The following TUSC3 variants were observed in gnomAD, a reference collection of about 807,000 sequenced individuals.
The protein encoded by TUSC3 is tumor suppressor candidate 3.
TUSC3 carries 45 observed loss-of-function variants against 44.8 expected under a neutral mutation model. The ratio of observed to expected loss-of-function variants is 1.00; its 90% confidence interval spans 0.79 to 1.29. TUSC3 has a LOEUF of 1.29. Ranked by LOEUF, TUSC3 falls within the 50% of genes most tolerant of loss-of-function variation. The pLI is 0.00. For missense variants in TUSC3, 519 were observed against 437.9 expected (o/e 1.19, Z -1.65); for synonymous variants, 212 against 152.9 (o/e 1.39, Z -2.85).
the TUSC3 span, among the ~76,000 whole-genome samples, chr8:15,851,991 C>G: frequency 3.3e-5 from 5 of 152,080 alleles, no homozygotes; most frequent in East Asian, 3.9e-4. Flanking sequence ...TCTCTTGTCT[C>G]CCGCCATGTG....
chr8:15,750,625 A>C (rs1415044954), intron 9 of TUSC3, among the ~76,000 whole-genome samples: 1 of 152,044 alleles, frequency 6.6e-6, no homozygotes. Flanking sequence ...CTGGACATAG[A>C]AACTACCCAG....
chr8:15,659,014 A>G (rs144661373), intron 3 of TUSC3, among the ~76,000 whole-genome samples: 1 of 152,308 alleles, frequency 6.6e-6, no homozygotes, highest in East Asian at 1.9e-4. Flanking sequence ...TCATTACAAA[A>G]AAGTAAAGTC....
At chr8:15,581,397 C>T (rs1205591928) in intron 1 of TUSC3, among the ~76,000 whole-genome samples, 1 of 149,708 alleles carries the variant, frequency 6.7e-6, no homozygotes, top group Admixed American at 6.6e-5. Context: ...AGGCGCTCTG[C>T]ATTTTAGAGT....
chr8:15,525,299 G>C (rs1281950851), intron 2 of TUSC3, among the ~76,000 whole-genome samples: 11 of 151,978 alleles, frequency 7.2e-5, no homozygotes. Flanking sequence ...TTTCTGGTTT[G>C]CTGGCTCTCT....
At chr8:15,788,525 T>A in the TUSC3 span, among the ~76,000 whole-genome samples, 6 of 137,520 alleles carry the variant, frequency 4.4e-5, no homozygotes, top group East Asian at 8.2e-4. Context: ...CCAGCCTGGG[T>A]GACAGAGTGA....
chr8:15,728,391 T>A (rs1810585930), intron 6 of TUSC3, among the ~76,000 whole-genome samples: 1 of 150,020 alleles, frequency 6.7e-6, no homozygotes, highest in Non-Finnish European at 1.5e-5. Context: ...GAAAAGTGGT[T>A]GAATTTGGAA....
chr8:15,728,534 A>G (rs1239659639), intron 6 of TUSC3, among the ~76,000 whole-genome samples: 3 of 152,146 alleles, frequency 2.0e-5, no homozygotes, highest in Non-Finnish European at 4.4e-5. Flanking sequence ...GGACAGAGAC[A>G]CAAAGGTGAT....
chr8:15,629,657 A>C (rs191775838), intron 2 of TUSC3, among the ~76,000 whole-genome samples: 1 of 141,808 alleles, frequency 7.1e-6, no homozygotes, highest in African/African-American at 2.6e-5. Context: ...ATAATTGTTT[A>C]GGATCTTTGA....
chr8:15,825,550 G>C, the TUSC3 span, among the ~76,000 whole-genome samples: 1 of 152,024 alleles, frequency 6.6e-6, no homozygotes, highest in African/African-American at 2.4e-5. Flanking sequence ...ATGAGATTTG[G>C]GTGAGGAACA....
At chr8:15,706,816 T>C (rs1809635611) in intron 6 of TUSC3, among the ~76,000 whole-genome samples, 1 of 152,008 alleles carries the variant, frequency 6.6e-6, no homozygotes, top group African/African-American at 2.4e-5. Flanking sequence ...AATAAAGTAC[T>C]TGTAGAGAAG....
chr8:15,571,359 C>T (rs1299331646), intron 1 of TUSC3, among the ~76,000 whole-genome samples: 1 of 152,078 alleles, frequency 6.6e-6, no homozygotes, highest in Non-Finnish European at 1.5e-5. Flanking sequence ...GCAAATATTA[C>T]AATAAAGAGT....
intron 2 of TUSC3, among the ~76,000 whole-genome samples, chr8:15,628,228 C>G (rs1478166724): frequency 6.6e-6 from 1 of 151,982 alleles, no homozygotes; most frequent in Non-Finnish European, 1.5e-5. Flanking sequence ...TTATAACAAT[C>G]TAGAAATATT....
chr8:15,737,188 T>C (rs1810972796), intron 7 of TUSC3, among the ~76,000 whole-genome samples: 2 of 152,090 alleles, frequency 1.3e-5, no homozygotes, highest in Admixed American at 1.3e-4. Context: ...AGAAAAAAAT[T>C]AATGATAGAT....
intron 1 of TUSC3, among the ~76,000 whole-genome samples, chr8:15,423,988 T>TTTG (rs1799774181): frequency 9.1e-6 from 1 of 109,644 alleles, no homozygotes; most frequent in Non-Finnish European, 1.8e-5. Context: ...TTTTTTTTTT[T>TTTG]TTTTTTTTTT....
At chr8:15,472,175 A>T (rs575029945) in intron 1 of TUSC3, among the ~76,000 whole-genome samples, 1 of 152,228 alleles carries the variant, frequency 6.6e-6, no homozygotes, top group Non-Finnish European at 1.5e-5. Flanking sequence ...TTTCAAATAT[A>T]TAGAGAAAGT....
intron 1 of TUSC3, among the ~76,000 whole-genome samples, chr8:15,419,055 A>T (rs115711772): frequency 0.021 from 3,262 of 152,222 alleles, 113 homozygotes; most frequent in African/African-American, 0.075. Flanking sequence ...CTTGCAGCCA[A>T]ATTTCATGTG....
intron 1 of TUSC3, among the ~76,000 whole-genome samples, chr8:15,592,214 A>G (rs551275977): frequency 2.0e-5 from 3 of 152,380 alleles, no homozygotes; most frequent in African/African-American, 7.2e-5. Flanking sequence ...AAAAGAAGTC[A>G]GAAATTCAGT....
intron 2 of TUSC3, among the ~76,000 whole-genome samples, chr8:15,522,084 C>G (rs945281760): frequency 9.9e-5 from 15 of 152,078 alleles, no homozygotes; most frequent in Non-Finnish European, 1.8e-4. Flanking sequence ...TTTCTGAAAT[C>G]TTCATCTCAT....
At chr8:15,809,486 C>T in the TUSC3 span, among the ~76,000 whole-genome samples, 1 of 150,094 alleles carries the variant, frequency 6.7e-6, no homozygotes, top group Non-Finnish European at 1.5e-5. Context: ...GGATACATTC[C>T]AAGACCCCCC....
Sources: allele counts gnomAD v4.1 joint callset (sites outside exome capture counted in the v4.1 genomes callset), GRCh38; gene constraint gnomAD v4.1.1; transcripts MANE v1.5; gene names NCBI Gene and HGNC (gene_info 2026-07-23, HGNC 2026-07-21).